Variants in SMYD3 observed in about 807,000 individuals in gnomAD.
The protein encoded by SMYD3 is histone-lysine N-methyltransferase SMYD3.
In SMYD3, 36 loss-of-function variants were observed where a neutral mutation model predicts 57.7. The observed-to-expected ratio is 0.62, with a 90% CI of 0.48 to 0.82. The LOEUF (loss-of-function observed/expected upper bound fraction) is 0.82. Ranked by LOEUF, SMYD3 falls within the 40% of genes least tolerant of loss-of-function variation. The probability of loss-of-function intolerance (pLI) is 0.00; values close to 1 mark genes in which losing one functional copy is unlikely to be tolerated. For synonymous variants in SMYD3, 211 were observed against 195.0 expected, an observed-to-expected ratio of 1.08 and a Z score of -0.68; for missense variants, 515 against 538.8, an observed-to-expected ratio of 0.96 and a Z score of 0.44.
At chr1:246,281,372 A>G (rs1455922052) in intron 5 of SMYD3, among the ~76,000 whole-genome samples, 1 of 152,210 alleles carries the variant, frequency 6.6e-6, no homozygotes, top group Non-Finnish European at 1.5e-5. Flanking sequence ...GCCAGAGACT[A>G]CTACAGTTAG....
chr1:245,930,160 GGA>G, intron 5 of SMYD3: 2 of 481,402 alleles, frequency 4.2e-6, no homozygotes, highest in Admixed American at 3.4e-5. Context: ...CAACCTCCTG[GGA>G]GAAAAAAAAA....
At chr1:246,160,444 G>A (rs2062098183) in intron 5 of SMYD3, among the ~76,000 whole-genome samples, 1 of 152,150 alleles carries the variant, frequency 6.6e-6, no homozygotes, top group Admixed American at 6.6e-5. Context: ...TACCTGGGGA[G>A]GGAGAAAAGA....
intron 5 of SMYD3, among the ~76,000 whole-genome samples, chr1:246,302,294 C>T (rs540786637): frequency 6.6e-6 from 1 of 152,196 alleles, no homozygotes; most frequent in East Asian, 1.9e-4. Context: ...GGGGGGAGAC[C>T]AGACCCTAAT....
At chr1:246,370,048 AG>A (rs1267696312) in intron 1 of SMYD3, among the ~76,000 whole-genome samples, 1 of 152,192 alleles carries the variant, frequency 6.6e-6, no homozygotes, top group Non-Finnish European at 1.5e-5. Flanking sequence ...AGAATCCGAG[AG>A]GCAGACCAGC....
At chr1:245,812,568 G>A (rs531573777) in intron 10 of SMYD3, among the ~76,000 whole-genome samples, 3 of 152,074 alleles carry the variant, frequency 2.0e-5, no homozygotes, top group Admixed American at 2.0e-4. Context: ...GAGAGGGAGG[G>A]GTATTTTCCG....
At chr1:246,331,013 T>C (rs2065450915) in intron 3 of SMYD3, among the ~76,000 whole-genome samples, 1 of 152,116 alleles carries the variant, frequency 6.6e-6, no homozygotes, top group African/African-American at 2.4e-5. Context: ...CATGCACCTG[T>C]AGTCCCAGCT....
chr1:246,464,827 T>C (rs941219034), intron 1 of SMYD3, among the ~76,000 whole-genome samples: 2 of 152,212 alleles, frequency 1.3e-5, no homozygotes, highest in Non-Finnish European at 2.9e-5. Flanking sequence ...CTGTTAATGT[T>C]TATTTATTAG....
intron 5 of SMYD3, among the ~76,000 whole-genome samples, chr1:246,283,356 A>T (rs1219069489): frequency 1.3e-5 from 2 of 152,176 alleles, no homozygotes; most frequent in Non-Finnish European, 2.9e-5. Context: ...CCATTATTAC[A>T]TCCCCTTTGC....
intron 5 of SMYD3, among the ~76,000 whole-genome samples, chr1:246,052,145 G>A (rs950993175): frequency 1.1e-4 from 17 of 152,166 alleles, no homozygotes; most frequent in Admixed American, 2.0e-4. Context: ...TTGAAAGGGG[G>A]TTATAAAACA....
intron 5 of SMYD3, among the ~76,000 whole-genome samples, chr1:246,185,562 A>C (rs748305864): frequency 2.3e-4 from 34 of 150,332 alleles, no homozygotes; most frequent in Non-Finnish European, 4.3e-4. Flanking sequence ...CCCGGGTTCA[A>C]GCCATTCTCC....
At chr1:246,425,329 C>T (rs988459810) in intron 1 of SMYD3, among the ~76,000 whole-genome samples, 2 of 152,198 alleles carry the variant, frequency 1.3e-5, no homozygotes, top group African/African-American at 4.8e-5. Flanking sequence ...CAACACCAAC[C>T]TAGATAACAA....
chr1:246,206,705 G>T (rs2148380282), intron 5 of SMYD3, among the ~76,000 whole-genome samples: 1 of 152,268 alleles, frequency 6.6e-6, no homozygotes, highest in South Asian at 2.1e-4. Flanking sequence ...AAGTAGATTT[G>T]TCATTCTAAC....
At chr1:246,421,480 AAAAC>A (rs1333523621) in intron 1 of SMYD3, among the ~76,000 whole-genome samples, 2 of 152,166 alleles carry the variant, frequency 1.3e-5, no homozygotes, top group African/African-American at 4.8e-5. Flanking sequence ...AATAAGCAAA[AAAAC>A]AAGATGACCT....
rs1489731152 is a variant in SMYD3, at chr1:246,160,023, G to C, written c.531+167178C>G. On this transcript the variant is annotated intron_variant, in intron 5 of 11. Coordinates refer to ENST00000490107, the MANE Select transcript of SMYD3 (RefSeq NM_001167740.2). ...AAACTCAGTAGGTTAAGTTGACTCAGCTAAATTCACAGATTAGGAATGAGA... is the reference window on the plus strand; with the variant it reads ...AAACTCAGTAGGTTAAGTTGACTCACCTAAATTCACAGATTAGGAATGAGA... Among the ~76,000 whole-genome samples the C allele has an allele frequency of 2.0e-5, 3 of 152,162 alleles. No individual in the cohort carries two copies. In the East Asian group the frequency reaches 5.8e-4, roughly 29 times the overall value.
At chr1:246,178,113 T>C (rs575959491) in intron 5 of SMYD3, among the ~76,000 whole-genome samples, 1 of 152,304 alleles carries the variant, frequency 6.6e-6, no homozygotes, top group Non-Finnish European at 1.5e-5. Context: ...TTCCAGAGTG[T>C]AGCAACAGTT....
chr1:246,332,395 C>G (rs2065475936), intron 3 of SMYD3, among the ~76,000 whole-genome samples: 1 of 152,220 alleles, frequency 6.6e-6, no homozygotes, highest in African/African-American at 2.4e-5. Flanking sequence ...GAGGAAAGCC[C>G]TAACTTGCTT....
In SMYD3 at chr1:245,955,048, T is replaced by A. The variant is rs1037210723; in HGVS notation, c.532-25111A>T. 3.9e-5 allele frequency among the ~76,000 whole-genome samples: 6 copies of A among 152,326 alleles called. No homozygotes were observed. In the East Asian group the frequency reaches 5.8e-4, roughly 15 times the overall value. The stretch of plus-strand genomic sequence containing the variant: ...CTGCACCCAACACGTATTTCAGTTA[T>A]CCTGGCTTCTCTGTCATTCCCAAGT... On this transcript the variant is annotated intron_variant, in intron 5 of 11. Transcript: ENST00000490107.
intron 1 of SMYD3, among the ~76,000 whole-genome samples, chr1:246,447,748 C>G (rs1287186944): frequency 6.6e-6 from 1 of 152,158 alleles, no homozygotes; most frequent in Non-Finnish European, 1.5e-5. Context: ...AGAAGCAGCC[C>G]CATCTCCTCT....
At chr1:245,848,264 G>A (rs910877808) in intron 10 of SMYD3, among the ~76,000 whole-genome samples, 3 of 132,398 alleles carry the variant, frequency 2.3e-5, no homozygotes, top group Non-Finnish European at 3.2e-5. Flanking sequence ...CCACCATGCC[G>A]AGTTATTTTT....
Sources: gnomAD v4.1 joint callset for allele counts (sites outside exome capture counted in the v4.1 genomes callset) on GRCh38, gnomAD v4.1.1 for gene constraint, MANE v1.5 for transcripts, NCBI Gene and HGNC (gene_info 2026-07-23, HGNC 2026-07-21) for gene names.